The following ENTREP2 variants were observed in gnomAD, a reference collection of about 807,000 sequenced individuals.
The protein encoded by ENTREP2 is protein ENTREP2.
At chr15:29,278,913 G>A in the ENTREP2 span, among the ~76,000 whole-genome samples, 1 of 152,166 alleles carries the variant, frequency 6.6e-6, no homozygotes, top group Non-Finnish European at 1.5e-5. Context: ...TGAGATCAAG[G>A]AGTCGGCATG....
At chr15:29,193,110 T>C in the ENTREP2 span, among the ~76,000 whole-genome samples, 46 of 152,090 alleles carry the variant, frequency 3.0e-4, no homozygotes, top group Non-Finnish European at 2.8e-4. Context: ...GTCAGTGTAA[T>C]AAAACAGGGA....
chr15:29,135,201 C>T, the ENTREP2 span, among the ~76,000 whole-genome samples: 5 of 152,060 alleles, frequency 3.3e-5, no homozygotes, highest in Non-Finnish European at 5.9e-5. The surrounding 1 kb of genome is among the most constrained non-coding windows in gnomAD (Gnocchi z 7.4). Flanking sequence ...CAGCCATGCC[C>T]CAGTCCCCGA....
chr15:29,526,501 T>A, the ENTREP2 span, among the ~76,000 whole-genome samples: 1 of 152,032 alleles, frequency 6.6e-6, no homozygotes, highest in Non-Finnish European at 1.5e-5. Context: ...TTTCATTCCA[T>A]CACCCAGGCT....
At chr15:29,120,769 G>A in the ENTREP2 span, 1 of 152,404 alleles carries the variant, frequency 6.6e-6, no homozygotes, top group African/African-American at 2.4e-5. Flanking sequence ...GCGGGGGAAA[G>A]ACGCATAGGG....
chr15:29,305,801 C>T, the ENTREP2 span, among the ~76,000 whole-genome samples: 1 of 152,020 alleles, frequency 6.6e-6, no homozygotes, highest in African/African-American at 2.4e-5. Context: ...GTCTGGAGCC[C>T]AAAAAAGAAG....
chr15:29,576,753 A>G, the ENTREP2 span, among the ~76,000 whole-genome samples: 1 of 152,244 alleles, frequency 6.6e-6, no homozygotes, highest in Non-Finnish European at 1.5e-5. Context: ...AATGCAAATT[A>G]AAACCATAAT....
chr15:29,217,357 A>G, the ENTREP2 span, among the ~76,000 whole-genome samples: 1 of 152,234 alleles, frequency 6.6e-6, no homozygotes, highest in Non-Finnish European at 1.5e-5. Flanking sequence ...AGGTGATTAA[A>G]GGAAAAAGGG....
the ENTREP2 span, among the ~76,000 whole-genome samples, chr15:29,425,029 GTT>G: frequency 6.6e-6 from 1 of 151,746 alleles, no homozygotes; most frequent in South Asian, 2.1e-4. Flanking sequence ...TGTTGTTGTT[GTT>G]TTGTTTTTGT....
At chr15:29,203,005 A>C in the ENTREP2 span, among the ~76,000 whole-genome samples, 1 of 152,174 alleles carries the variant, frequency 6.6e-6, no homozygotes, top group Non-Finnish European at 1.5e-5. Flanking sequence ...ACACCCAGTA[A>C]TGGGATTGCT....
At chr15:29,421,721 C>A in the ENTREP2 span, among the ~76,000 whole-genome samples, 1 of 152,148 alleles carries the variant, frequency 6.6e-6, no homozygotes, top group Non-Finnish European at 1.5e-5. Context: ...GATCATTTTA[C>A]ATTTAACTTC....
chr15:29,651,885 C>G, the ENTREP2 span, among the ~76,000 whole-genome samples: 13,876 of 152,248 alleles, frequency 0.091, 926 homozygotes, highest in African/African-American at 0.19. Flanking sequence ...AGCAGCAGGA[C>G]GCAGACGGGT....
At chr15:29,223,183 T>C in the ENTREP2 span, among the ~76,000 whole-genome samples, 2 of 152,156 alleles carry the variant, frequency 1.3e-5, no homozygotes, top group African/African-American at 4.8e-5. Flanking sequence ...GGAGATCATA[T>C]AGTATTTGAG....
the ENTREP2 span, among the ~76,000 whole-genome samples, chr15:29,177,267 CA>C: frequency 1.3e-5 from 2 of 151,970 alleles, no homozygotes; most frequent in Non-Finnish European, 2.9e-5. Flanking sequence ...TGATGGCTGG[CA>C]AAAAAGCAAC....
At chr15:29,556,772 C>A in the ENTREP2 span, among the ~76,000 whole-genome samples, 2 of 150,992 alleles carry the variant, frequency 1.3e-5, no homozygotes, top group Non-Finnish European at 3.0e-5. Context: ...GCCCCCCCCC[C>A]GCCCCACATG....
At chr15:29,463,713 C>T in the ENTREP2 span, among the ~76,000 whole-genome samples, 1 of 152,074 alleles carries the variant, frequency 6.6e-6, no homozygotes, top group African/African-American at 2.4e-5. Flanking sequence ...GGGTACATAC[C>T]CTAAATAACT....
chr15:29,600,829 T>C, the ENTREP2 span, among the ~76,000 whole-genome samples: 1 of 151,266 alleles, frequency 6.6e-6, no homozygotes, highest in Non-Finnish European at 1.5e-5. Context: ...TGTGGAACTG[T>C]AAAAATCACC....
chr15:29,516,563 C>A, the ENTREP2 span, among the ~76,000 whole-genome samples: 1 of 151,846 alleles, frequency 6.6e-6, no homozygotes, highest in African/African-American at 2.4e-5. Context: ...ACACCAACTG[C>A]AGGCTGGGGG....
chr15:29,520,272 T>C, the ENTREP2 span, among the ~76,000 whole-genome samples: 3 of 152,344 alleles, frequency 2.0e-5, no homozygotes, highest in East Asian at 3.9e-4. Flanking sequence ...TGAAGTGTTA[T>C]TGAAGAACAA....
At chr15:29,351,570 T>C in the ENTREP2 span, among the ~76,000 whole-genome samples, 3 of 152,226 alleles carry the variant, frequency 2.0e-5, no homozygotes, top group Non-Finnish European at 1.5e-5. Context: ...ACAATATCAA[T>C]AGCAACTAAC....
Sources: allele counts gnomAD v4.1 joint callset (sites outside exome capture counted in the v4.1 genomes callset), GRCh38; gene constraint gnomAD v4.1.1; non-coding constraint Gnocchi (gnomAD v3.1); transcripts MANE v1.5; gene names NCBI Gene and HGNC (gene_info 2026-07-23, HGNC 2026-07-21).